MYLK3: variants seen among roughly 807,000 people sequenced by gnomAD.
MYLK3 encodes the protein myosin light chain kinase 3, also known as MLC kinase.
Under a neutral mutation model 76.3 loss-of-function variants are expected in MYLK3, and 55 were observed. The observed-to-expected ratio is 0.72, with a 90% confidence interval of 0.58 to 0.90. The LOEUF (loss-of-function observed/expected upper bound fraction) is 0.90. Ranked by LOEUF, MYLK3 falls within the 40% of genes least tolerant of loss-of-function variation. The pLI is 0.00. For missense variants in MYLK3, 973 were observed against 1,053.6 expected (o/e 0.92, Z 1.06); for synonymous variants, 416 against 425.4 (o/e 0.98, Z 0.27).
In MYLK3 at chr16:46,707,404, C is replaced by T. The variant is rs996598631; in HGVS notation, c.*300G>A. The T allele has an allele frequency of 1.5e-5, 4 of 261,238 alleles. No individual in the cohort carries two copies. The highest frequency in any genetic ancestry group is 7.5e-5 in the East Asian group (1 of 13,268). 16.2% of individuals were successfully genotyped at this position (261,238 alleles called of 1,614,324 possible). ...TCAGTGTGAGTTTAGAATTTAAATT[C>T]GACAGATGCAAAGTACCTACCTAAA... On this transcript the variant is annotated 3_prime_UTR_variant, in exon 13 of 13. Transcript: ENST00000394809.
intron 1 of MYLK3, among the ~76,000 whole-genome samples, chr16:46,742,773 C>G (rs1269649052): frequency 6.6e-6 from 1 of 152,206 alleles, no homozygotes; most frequent in East Asian, 1.9e-4. Flanking sequence ...CAAAACTGCT[C>G]ACTGCCGCTG....
rs1596769593 is a variant in MYLK3, at chr16:46,741,801, C to T, written c.478-1654G>A. The stretch of plus-strand genomic sequence containing the variant: ...TTTTTTTTTTTTTGAGACAGAGTCT[C>T]GCTCTGTTGTCCAGCCTGGAGTGCA... On this transcript the variant is annotated intron_variant, in intron 1 of 12. Coordinates refer to ENST00000394809, the MANE Select transcript of MYLK3 (RefSeq NM_182493.3). Among the ~76,000 whole-genome samples the T allele has an allele frequency of 2.7e-5, 4 of 149,460 alleles. No individual in the cohort carries two copies. The South Asian group carries it at 6.3e-4, about 24-fold the overall frequency.
rs1319862937 is a variant in MYLK3 at position 46,710,754 on chromosome 16, T to G, written c.2150A>C (p.Asp717Ala). The G allele has an allele frequency of 2.5e-6, 4 of 1,614,088 alleles. No homozygotes were observed. The South Asian group carries it at 3.3e-5, about 13-fold the overall frequency. ...TACAATGAAATTCATGGTCTCTGCA[T>G]CTGTTTCCCCTAGAAATGGGGACAA... Reference protein sequence around the residue: ...SGLSPFLGETDAETMNFIVNC... With the variant: ...SGLSPFLGETAAETMNFIVNC... Residue 717 changes from aspartate to alanine, a missense_variant, in exon 11 of 13, where the codon GAT becomes GCT. Asp to Ala is a moderately radical substitution (Grantham distance 126). Coordinates refer to ENST00000394809, the MANE Select transcript of MYLK3 (RefSeq NM_182493.3).
intron 8 of MYLK3, chr16:46,726,675 G>GAAAGAAAGAAGAAAGAAAAAGAA: frequency 2.1e-5 from 1 of 46,598 alleles, no homozygotes; most frequent in Non-Finnish European, 4.8e-5. Context: ...AAGAAAGAAA[G>GAAAGAAAGAAGAAAGAAAAAGAA]AGAAAGAAAG....
At chr16:46,740,188 C>T in intron 1 of MYLK3, 41 bp from the exon 2 acceptor site, 1 of 1,532,420 alleles carries the variant, frequency 6.5e-7, no homozygotes, top group Non-Finnish European at 9.0e-7. Context: ...TTATCATCAA[C>T]ATTGCCATTC....
chr16:46,724,430 CTTACAT>C (rs1966829937), intron 8 of MYLK3, among the ~76,000 whole-genome samples: 1 of 151,856 alleles, frequency 6.6e-6, no homozygotes, highest in African/African-American at 2.4e-5. Context: ...AGTTTTAGCT[CTTACAT>C]TTACGTCTAC....
chr16:46,728,172 A>C (rs1008548269), intron 7 of MYLK3, among the ~76,000 whole-genome samples: 9 of 152,206 alleles, frequency 5.9e-5, no homozygotes, highest in Non-Finnish European at 1.3e-4. Context: ...GAAAACAGCA[A>C]CACAAGCACA....
intron 12 of MYLK3, among the ~76,000 whole-genome samples, chr16:46,708,611 C>A (rs1179280593): frequency 6.6e-6 from 1 of 152,126 alleles, no homozygotes; most frequent in Non-Finnish European, 1.5e-5. Flanking sequence ...CAGGCCACCA[C>A]GCCTGAGTCA....
rs1028294463 is a variant in MYLK3, at chr16:46,726,189, T to G, written c.1914+1047A>C. The G allele has an allele frequency of 2.0e-5, 3 of 152,356 alleles. No individual in the cohort carries two copies. In the South Asian group the frequency reaches 6.2e-4, roughly 32 times the overall value. The allele number at this position is 152,356 out of a possible 1,614,324, so 9.4% of individuals were successfully genotyped here. On this transcript the variant is annotated intron_variant, in intron 8 of 12. Transcript: ENST00000394809. ...TATGTTCCATTGGTCTATGTGCCTA[T>G]TTTTATGCCAGTACCATATACCACT...
chr16:46,721,837 A>G (rs1383847513), intron 8 of MYLK3, among the ~76,000 whole-genome samples: 1 of 152,178 alleles, frequency 6.6e-6, no homozygotes, highest in East Asian at 1.9e-4. Flanking sequence ...TGGAATCATC[A>G]GGGGAGCTTT....
chr16:46,732,771 C>T (rs1449875072), intron 3 of MYLK3, 103 bp from the exon 4 acceptor site: 1 of 959,622 alleles, frequency 1.0e-6, no homozygotes, highest in South Asian at 1.8e-5. Flanking sequence ...GACAATGGCC[C>T]TGGGGCCCTG....
chr16:46,748,362 A>T, upstream of MYLK3: 2 of 1,267,484 alleles, frequency 1.6e-6, no homozygotes, highest in Non-Finnish European at 2.1e-6. This position sits in a 1 kb window ranked among gnomAD's most constrained non-coding sequence, Gnocchi z 4.3. Context: ...GCAGAGGCCC[A>T]GGTTCTTCCT....
In MYLK3 at chr16:46,729,045, C is replaced by T. The variant is rs755591880; in HGVS notation, c.1751G>A (p.Ser584Asn). 3.6e-5 allele frequency: 58 copies of T among 1,613,968 alleles called. No homozygotes were observed. The highest frequency in any genetic ancestry group is 5.5e-5 in the South Asian group (5 of 91,088). The change falls in exon 7 of 13, where the codon AGC becomes AAC. Residue 584 changes from serine to asparagine, a missense_variant. Coordinates refer to ENST00000394809, the MANE Select transcript of MYLK3 (RefSeq NM_182493.3). ...QLYDAFESKH[S>N]CTLVMEYVDG... ...TCACTACTCCATGACAAGGGTGCAG[C>T]TGTGCTTGCTCTCGAAGGCGTCATA... is the stretch of plus-strand genomic sequence containing the variant.
intron 3 of MYLK3, among the ~76,000 whole-genome samples, chr16:46,736,826 G>A (rs540069562): frequency 6.6e-6 from 1 of 152,320 alleles, no homozygotes; most frequent in South Asian, 2.1e-4. Context: ...AGAAGCCCGG[G>A]GCCACAGCGC....
chr16:46,758,302 ACACTCTCTCTCTCTCT>A (rs1198203630), intron 1 of MYLK3, among the ~76,000 whole-genome samples: 8 of 53,922 alleles, frequency 1.5e-4, no homozygotes, highest in African/African-American at 4.6e-4. Flanking sequence ...ACACACACAC[ACACTCTCTCTCTCTCT>A]CTCTCTCTCT....
rs201565282 is a variant in MYLK3 at position 46,720,311 on chromosome 16, C to CA, written c.1985+811dup. ...TCACTGCAGGCTCAAGTGATCCTCC[C>CA]ACCTCAGCCTCCCAAGTAGCTGAGA... On this transcript the variant is annotated intron_variant, in intron 9 of 12. Transcript: ENST00000394809. Among the ~76,000 whole-genome samples, 1,225 of 152,192 alleles carry CA rather than the reference C, an allele frequency of 8.0e-3. 15 individuals carry two copies. Among genetic ancestry groups the CA allele is most frequent in the African/African-American group, 0.028 (1,159 of 41,518 alleles).
chr16:46,739,696 T>G (rs1966898535), intron 2 of MYLK3, among the ~76,000 whole-genome samples: 1 of 152,262 alleles, frequency 6.6e-6, no homozygotes, highest in South Asian at 2.1e-4. Context: ...GAATACCATA[T>G]TTAACAAGCA....
chr16:46,712,326 A>C (rs1966692736), intron 10 of MYLK3, among the ~76,000 whole-genome samples: 1 of 152,080 alleles, frequency 6.6e-6, no homozygotes. Flanking sequence ...CTGAAGCCCA[A>C]GTAGGCCTTC....
At chr16:46,742,444 A>AC (rs1966946940) in intron 1 of MYLK3, among the ~76,000 whole-genome samples, 1 of 129,924 alleles carries the variant, frequency 7.7e-6, no homozygotes, top group Non-Finnish European at 1.6e-5. Flanking sequence ...TAATCCCAGC[A>AC]AAAACACACA....
Sources: allele counts gnomAD v4.1 joint callset (sites outside exome capture counted in the v4.1 genomes callset), GRCh38; gene constraint gnomAD v4.1.1; non-coding constraint Gnocchi (gnomAD v3.1); transcripts MANE v1.5; gene names NCBI Gene and HGNC (gene_info 2026-07-23, HGNC 2026-07-21).